The following SAMD8 variants were observed in gnomAD, a reference collection of about 807,000 sequenced individuals.
SAMD8 encodes the protein sterile alpha motif domain containing 8.
A neutral mutation model predicts 42.0 loss-of-function variants in SAMD8; 20 were observed. That is an observed-to-expected ratio of 0.48 (90% CI 0.34 to 0.69). SAMD8 has a LOEUF of 0.69. Ranked by LOEUF, SAMD8 falls within the 30% of genes least tolerant of loss-of-function variation. The pLI is 0.01. For missense variants in SAMD8, 328 were observed against 511.6 expected, an observed-to-expected ratio of 0.64 and a Z score of 3.46; for synonymous variants, 162 against 173.0, an observed-to-expected ratio of 0.94 and a Z score of 0.50.
At chr10:75,160,365 T>TG (rs1840529616) in intron 2 of SAMD8, among the ~76,000 whole-genome samples, 1 of 94,230 alleles carries the variant, frequency 1.1e-5, no homozygotes, top group Non-Finnish European at 2.1e-5. Flanking sequence ...CCAGGCTAAT[T>TG]TTTTTTTTTT....
At chr10:75,141,347 C>G (rs1840008827) in intron 1 of SAMD8, among the ~76,000 whole-genome samples, 1 of 147,108 alleles carries the variant, frequency 6.8e-6, no homozygotes, top group South Asian at 2.1e-4. Flanking sequence ...GAGTGACACC[C>G]TGTCTCAAAA....
intron 2 of SAMD8, among the ~76,000 whole-genome samples, chr10:75,162,979 C>CA (rs1320111022): frequency 6.6e-6 from 1 of 151,900 alleles, no homozygotes; most frequent in African/African-American, 2.4e-5. Context: ...GGCTGGAGTG[C>CA]AGTGGCAACG....
chr10:75,136,502 T>C (rs1423537614), intron 1 of SAMD8, among the ~76,000 whole-genome samples: 1 of 152,202 alleles, frequency 6.6e-6, no homozygotes, highest in African/African-American at 2.4e-5. Context: ...CCTTGACCTT[T>C]GGGTACTTAG....
chr10:75,105,543 C>T (rs1848438599), intron 1 of SAMD8: 5 of 1,031,200 alleles, frequency 4.8e-6, no homozygotes, highest in Non-Finnish European at 7.1e-6. Flanking sequence ...TCCTCACTTC[C>T]AGCCACACAC....
chr10:75,149,233 A>C (rs1426000384), intron 1 of SAMD8, among the ~76,000 whole-genome samples: 1 of 152,226 alleles, frequency 6.6e-6, no homozygotes, highest in Non-Finnish European at 1.5e-5. Flanking sequence ...GATATACTTT[A>C]TAAACCTGAG....
intron 1 of SAMD8, among the ~76,000 whole-genome samples, chr10:75,142,729 G>A (rs562931365): frequency 2.7e-5 from 4 of 149,828 alleles, no homozygotes; most frequent in East Asian, 2.1e-4. Context: ...GCCACCACCC[G>A]GCCTAAATTA....
At chr10:75,158,028 G>A (rs1840456910) in intron 2 of SAMD8, among the ~76,000 whole-genome samples, 1 of 151,868 alleles carries the variant, frequency 6.6e-6, no homozygotes, top group Admixed American at 6.6e-5. Flanking sequence ...GCATGGTGGT[G>A]CATGCCTGTA....
chr10:75,151,159 C>A, intron 2 of SAMD8, 53 bp downstream of exon 2: 2 of 873,720 alleles, frequency 2.3e-6, no homozygotes, highest in Non-Finnish European at 3.5e-6. Flanking sequence ...TAATTAACAG[C>A]AATGATACTA....
At chr10:75,111,798 T>A (rs2134409892) in intron 1 of SAMD8, 76 bp downstream of exon 1, 1 of 1,230,224 alleles carries the variant, frequency 8.1e-7, no homozygotes, top group East Asian at 3.2e-5. Context: ...GAGTCTGGGA[T>A]GGAGCCGGGG....
Position 75,164,702 on chromosome 10 carries a change from C to T in SAMD8, c.636C>T (p.Cys212=). Residue 212 remains cysteine, a synonymous_variant, in exon 3 of 6, where the codon TGC becomes TGT. Transcript: ENST00000542569. ...CGGAAGTATGTGGCATGATTCTGTG[C>T]TATATTTGGCTCCTGGTTCTTCTTC... The part of the protein sequence containing the change: ...AMTEVCGMIL[C]YIWLLVLLLH... 1 of 1,614,058 alleles carries T rather than the reference C, an allele frequency of 6.2e-7. No individual in the cohort carries two copies. The highest frequency in any genetic ancestry group is 8.5e-7 in the Non-Finnish European group (1 of 1,179,962).
chr10:75,144,161 G>A (rs1012329411), intron 1 of SAMD8, among the ~76,000 whole-genome samples: 2 of 150,366 alleles, frequency 1.3e-5, no homozygotes, highest in Non-Finnish European at 2.9e-5. Flanking sequence ...TGGAGATGGG[G>A]TTTTCACAGT....
chr10:75,107,877 TA>T, upstream of SAMD8: 1 of 1,284,818 alleles, frequency 7.8e-7, no homozygotes, highest in Non-Finnish European at 1.1e-6. Flanking sequence ...ACACACGGCC[TA>T]AGCAGAGGAT....
Position 75,127,991 on chromosome 10 carries a change from G to A in SAMD8, c.-16+16269G>A, listed in dbSNP as rs189067231. ...TGACAAATTAAAATGACTATTTAAC[G>A]TTCCCTGTATTATTTTGAACCTTAA... On this transcript the variant is annotated intron_variant, in intron 1 of 5. Transcript: ENST00000542569. Among the ~76,000 whole-genome samples, 34 of 151,014 alleles carry A rather than the reference G, an allele frequency of 2.3e-4. 1 individual carries two copies. The highest frequency in any genetic ancestry group is 1.0e-3 in the South Asian group (5 of 4,762).
At chr10:75,126,873 A>G (rs1044694099) in intron 1 of SAMD8, among the ~76,000 whole-genome samples, 1 of 151,672 alleles carries the variant, frequency 6.6e-6, no homozygotes, top group African/African-American at 2.4e-5. Flanking sequence ...GAGACTGAAC[A>G]GTGCAAAATT....
At chr10:75,138,771 A>G (rs1839950450) in intron 1 of SAMD8, among the ~76,000 whole-genome samples, 1 of 152,150 alleles carries the variant, frequency 6.6e-6, no homozygotes, top group Admixed American at 6.5e-5. Flanking sequence ...GTTTTCAAAA[A>G]TTCTAACCAG....
intron 3 of SAMD8, among the ~76,000 whole-genome samples, chr10:75,165,368 C>G (rs1262384472): frequency 6.7e-6 from 1 of 150,094 alleles, no homozygotes; most frequent in East Asian, 2.0e-4. Context: ...TTTGAGGAGG[C>G]CCATTAAAAA....
At chr10:75,102,059 G>A in intron 1 of SAMD8, 1 of 909,100 alleles carries the variant, frequency 1.1e-6, no homozygotes, top group Non-Finnish European at 1.6e-6. Flanking sequence ...TCCATGGCAT[G>A]GCCAGTGCCA....
chr10:75,144,488 T>G (rs1286162807), intron 1 of SAMD8, among the ~76,000 whole-genome samples: 1 of 149,256 alleles, frequency 6.7e-6, no homozygotes, highest in African/African-American at 2.6e-5. Flanking sequence ...ATAAGTGGAA[T>G]CATACAGTAT....
At chr10:75,160,351 C>T (rs942357381) in intron 2 of SAMD8, among the ~76,000 whole-genome samples, 1 of 150,090 alleles carries the variant, frequency 6.7e-6, no homozygotes, top group Admixed American at 6.7e-5. Context: ...CGCCCGCCAC[C>T]ACGCCAGGCT....
Sources: allele counts gnomAD v4.1 joint callset (sites outside exome capture counted in the v4.1 genomes callset), GRCh38; gene constraint gnomAD v4.1.1; transcripts MANE v1.5; gene names NCBI Gene and HGNC (gene_info 2026-07-23, HGNC 2026-07-21).